WLS: variants seen among roughly 807,000 people sequenced by gnomAD.
WLS encodes protein wntless homolog.
Under a neutral mutation model 62.8 loss-of-function variants are expected in WLS, and 23 were observed. The ratio of observed to expected loss-of-function variants is 0.37; its 90% CI spans 0.26 to 0.52. WLS has a LOEUF of 0.52. WLS is among the 20% of genes least tolerant of loss of function. The pLI is 0.92. For missense variants in WLS, 615 were observed against 697.3 expected, an observed-to-expected ratio of 0.88 and a Z score of 1.33; for synonymous variants, 246 against 244.1, an observed-to-expected ratio of 1.01 and a Z score of -0.07.
chr1:68,121,750 A>T (rs1055608335), downstream of WLS, among the ~76,000 whole-genome samples: 1 of 152,174 alleles, frequency 6.6e-6, no homozygotes, highest in African/African-American at 2.4e-5. Flanking sequence ...AATCAAGAAG[A>T]TGGGTCCCAA....
At chr1:68,221,690 A>G (rs1649947550) in intron 1 of WLS, among the ~76,000 whole-genome samples, 1 of 152,196 alleles carries the variant, frequency 6.6e-6, no homozygotes, top group African/African-American at 2.4e-5. Flanking sequence ...TAACTTTTTT[A>G]GTGATCACCT....
At chr1:68,190,066 AT>A (rs1351229318) in intron 2 of WLS, among the ~76,000 whole-genome samples, 2 of 152,262 alleles carry the variant, frequency 1.3e-5, no homozygotes, top group Non-Finnish European at 2.9e-5. Flanking sequence ...ACATAAACTA[AT>A]TTATTCCTTA....
intron 8 of WLS, among the ~76,000 whole-genome samples, chr1:68,147,401 T>C (rs922234647): frequency 6.6e-6 from 1 of 152,230 alleles, no homozygotes; most frequent in East Asian, 1.9e-4. Flanking sequence ...GAAACCAATA[T>C]AAACATCATG....
At chr1:68,145,479 A>T (rs1031291649) in intron 9 of WLS, among the ~76,000 whole-genome samples, 2 of 152,134 alleles carry the variant, frequency 1.3e-5, no homozygotes, top group African/African-American at 4.8e-5. Flanking sequence ...ACGTGGGCTA[A>T]ACCCTGTTTA....
At chr1:68,210,105 C>T (rs979595659) in intron 1 of WLS, among the ~76,000 whole-genome samples, 1 of 152,154 alleles carries the variant, frequency 6.6e-6, no homozygotes, top group African/African-American at 2.4e-5. Flanking sequence ...TGTCTTTGTT[C>T]TAGGGACATC....
At chr1:68,200,980 T>C (rs1648981250) in intron 1 of WLS, among the ~76,000 whole-genome samples, 1 of 152,192 alleles carries the variant, frequency 6.6e-6, no homozygotes. Flanking sequence ...ATTCCTGTTA[T>C]GTAACTACTT....
At chr1:68,138,255 TA>T (rs1275034024) in intron 10 of WLS, 2 of 261,352 alleles carry the variant, frequency 7.7e-6, no homozygotes, top group Admixed American at 1.0e-4. Flanking sequence ...GCCCATCACT[TA>T]TTCACAATTA....
intron 11 of WLS, among the ~76,000 whole-genome samples, chr1:68,113,928 G>C (rs776036077): frequency 6.6e-5 from 10 of 152,218 alleles, no homozygotes; most frequent in Admixed American, 1.3e-4. Context: ...GTTCAAGACT[G>C]AGATCTCCTC....
intron 1 of WLS, among the ~76,000 whole-genome samples, chr1:68,195,695 A>G (rs1391198061): frequency 1.3e-5 from 2 of 152,130 alleles, no homozygotes; most frequent in Non-Finnish European, 1.5e-5. Flanking sequence ...CAGATCTTAT[A>G]TGGAATCCCT....
chr1:68,150,313 G>C lies in WLS; in HGVS notation c.847C>G (p.Pro283Ala). The C allele has an allele frequency of 6.2e-7, 1 of 1,614,166 alleles. No homozygotes were observed. Among genetic ancestry groups the C allele is most frequent in the Non-Finnish European group, 8.5e-7 (1 of 1,180,036 alleles). Residue 283 changes from proline to alanine, a missense_variant, in exon 6 of 12, where the codon CCA becomes GCA. By Grantham distance (27) the Pro-to-Ala change is conservative. Transcript: ENST00000262348. The part of the protein sequence containing the change: ...LGISMTFINI[P>A]VEWFSIGFDW... ...AACCCGATGGAAAACCATTCCACTG[G>C]GATATTGATAAAGGTCATGGAAATC...
Position 68,194,214 on chromosome 1 carries a change from T to C in WLS, c.120A>G (p.Thr40=), listed in dbSNP as rs1401044135. The change falls in exon 2 of 12, where the codon ACA becomes ACG. Residue 40 remains threonine, a synonymous_variant. Coordinates refer to ENST00000262348, the MANE Select transcript of WLS (RefSeq NM_024911.7). ...LVGGLIAPGP[T]TAVSYMSVKC... The stretch of plus-strand genomic sequence containing the variant: ...TCACCGACATGTAGGACACTGCCGT[T>C]GTGGGCCCTGGAGCTGAAAAGAGAA... 2 of 1,613,950 alleles carry C rather than the reference T, an allele frequency of 1.2e-6. No individual in the cohort carries two copies. The highest frequency in any genetic ancestry group is 2.7e-5 in the African/African-American group (2 of 74,932).
intron 2 of WLS, among the ~76,000 whole-genome samples, chr1:68,160,071 C>CTTTTTTT (rs58448910): frequency 3.4e-4 from 32 of 93,564 alleles, no homozygotes; most frequent in African/African-American, 1.2e-3. Context: ...GCAGAGAAGT[C>CTTTTTTT]TTTTTTTTTT....
chr1:68,188,382 A>C (rs1648092789), intron 2 of WLS, among the ~76,000 whole-genome samples: 1 of 152,236 alleles, frequency 6.6e-6, no homozygotes, highest in African/African-American at 2.4e-5. Flanking sequence ...TTTCATCCAC[A>C]GCTCCCTAAA....
At chr1:68,187,634 C>A (rs1570977556) in intron 2 of WLS, among the ~76,000 whole-genome samples, 1 of 152,178 alleles carries the variant, frequency 6.6e-6, no homozygotes, top group East Asian at 1.9e-4. Context: ...GGGAGAAATG[C>A]TCAAGAGTTG....
chr1:68,124,029 C>T (rs1042414570), downstream of WLS, among the ~76,000 whole-genome samples: 1 of 152,156 alleles, frequency 6.6e-6, no homozygotes, highest in Admixed American at 6.6e-5. Context: ...ATCCAAGAAT[C>T]TCTCTCTCTG....
At chr1:68,211,760 T>G (rs1334282427) in intron 1 of WLS, among the ~76,000 whole-genome samples, 1 of 152,222 alleles carries the variant, frequency 6.6e-6, no homozygotes, top group African/African-American at 2.4e-5. Flanking sequence ...TCTGCCACCA[T>G]GTGGATCTTG....
rs145592320 is a variant in WLS at position 68,186,911 on chromosome 1, C to T, written c.379+7044G>A. Among the ~76,000 whole-genome samples, 532 of 152,008 alleles carry T rather than the reference C, an allele frequency of 3.5e-3. 2 individuals carry two copies. Among genetic ancestry groups the T allele is most frequent in the African/African-American group, 0.012 (505 of 41,442 alleles). On this transcript the variant is annotated intron_variant, in intron 2 of 11. Transcript: ENST00000262348. ...CCCACAAACACAACATGTAACTTCT[C>T]ATATAATAGTTAGCAGCTGGCCAGG... is the stretch of plus-strand genomic sequence containing the variant.
At chr1:68,170,579 T>C (rs1301094113) in intron 2 of WLS, among the ~76,000 whole-genome samples, 2 of 152,094 alleles carry the variant, frequency 1.3e-5, no homozygotes, top group East Asian at 3.9e-4. Context: ...GAGGGTAAAT[T>C]ACAAAAGGCT....
intron 1 of WLS, among the ~76,000 whole-genome samples, chr1:68,199,864 T>A (rs1571001966): frequency 6.6e-6 from 1 of 152,056 alleles, no homozygotes; most frequent in Admixed American, 6.6e-5. Flanking sequence ...GGTAGTCAGG[T>A]GGGAATGAAG....
Sources: allele counts gnomAD v4.1 joint callset (sites outside exome capture counted in the v4.1 genomes callset), GRCh38; gene constraint gnomAD v4.1.1; transcripts MANE v1.5; gene names NCBI Gene and HGNC (gene_info 2026-07-23, HGNC 2026-07-21).